Variants in CIMAP2 observed in about 807,000 individuals in gnomAD.
CIMAP2 encodes ciliary microtubule associated protein 2, also known as ciliary microtubule-associated protein 2.
the CIMAP2 span, among the ~76,000 whole-genome samples, chr1:54,826,664 C>T: frequency 6.6e-6 from 1 of 152,208 alleles, no homozygotes; most frequent in Non-Finnish European, 1.5e-5. Flanking sequence ...GAGGGCTCTC[C>T]TGTGGGTAGG....
chr1:54,833,543 T>G, the CIMAP2 span, among the ~76,000 whole-genome samples: 1 of 152,232 alleles, frequency 6.6e-6, no homozygotes, highest in South Asian at 2.1e-4. Context: ...TGTAGGGTTC[T>G]GGGCTTCCAG....
the CIMAP2 span, among the ~76,000 whole-genome samples, chr1:54,828,928 A>G: frequency 6.6e-6 from 1 of 152,226 alleles, no homozygotes. Context: ...GCAACTGGAT[A>G]AATTGATTAT....
chr1:54,831,920 C>T, the CIMAP2 span, among the ~76,000 whole-genome samples: 90 of 152,298 alleles, frequency 5.9e-4, 1 homozygote, highest in African/African-American at 2.1e-3. Flanking sequence ...AATCACAGCT[C>T]GCTGCAGCCT....
the CIMAP2 span, chr1:54,842,013 G>T: frequency 2.2e-5 from 19 of 850,760 alleles, no homozygotes; most frequent in East Asian, 5.1e-4. Context: ...AGATGTATGG[G>T]GATCACCTTT....
At chr1:54,840,594 C>G in the CIMAP2 span, among the ~76,000 whole-genome samples, 4 of 152,138 alleles carry the variant, frequency 2.6e-5, no homozygotes, top group Non-Finnish European at 5.9e-5. Context: ...TTTTGCACTC[C>G]CACCAGCAAC....
At chr1:54,811,825 A>C in the CIMAP2 span, 16 of 1,509,002 alleles carry the variant, frequency 1.1e-5, no homozygotes, top group African/African-American at 2.3e-4. Flanking sequence ...AATTATGGGG[A>C]GAAGGGTAAC....
At chr1:54,821,068 C>G in the CIMAP2 span, among the ~76,000 whole-genome samples, 1 of 152,174 alleles carries the variant, frequency 6.6e-6, no homozygotes, top group African/African-American at 2.4e-5. Context: ...AGCACCCAGC[C>G]TGCCCACTTT....
the CIMAP2 span, among the ~76,000 whole-genome samples, chr1:54,812,814 C>CTTCCCTCCATCTTGGCACTCT: frequency 6.6e-6 from 1 of 152,242 alleles, no homozygotes; most frequent in African/African-American, 2.4e-5. Flanking sequence ...CAGGGGAAAG[C>CTTCCCTCCATCTTGGCACTCT]AGCCCTTGCG....
chr1:54,807,589 AAGG>A, the CIMAP2 span: 1 of 1,606,960 alleles, frequency 6.2e-7, no homozygotes, highest in Admixed American at 1.7e-5. Flanking sequence ...GAAGCTGATG[AAGG>A]AGGTGGACAC....
At chr1:54,835,253 G>A in the CIMAP2 span, among the ~76,000 whole-genome samples, 2 of 152,148 alleles carry the variant, frequency 1.3e-5, no homozygotes, top group Non-Finnish European at 2.9e-5. Context: ...GTGCAGTGGT[G>A]CAATGTTGGC....
the CIMAP2 span, among the ~76,000 whole-genome samples, chr1:54,820,549 A>T: frequency 1.3e-5 from 2 of 152,156 alleles, no homozygotes; most frequent in East Asian, 3.9e-4. Flanking sequence ...TTCCCACCAA[A>T]AGCATGTAAG....
the CIMAP2 span, among the ~76,000 whole-genome samples, chr1:54,808,383 C>T: frequency 1.3e-5 from 2 of 152,046 alleles, no homozygotes; most frequent in East Asian, 1.9e-4. Context: ...TCGTGAGCAA[C>T]GGAGACTTGC....
chr1:54,819,814 TTCTTTCTTTC>T, the CIMAP2 span, among the ~76,000 whole-genome samples: 984 of 76,882 alleles, frequency 0.013, 8 homozygotes, highest in Admixed American at 0.028. Flanking sequence ...CTTTTTCTTT[TTCTTTCTTTC>T]TCTTTCTTTC....
the CIMAP2 span, among the ~76,000 whole-genome samples, chr1:54,825,778 G>A: frequency 4.0e-5 from 6 of 151,814 alleles, no homozygotes; most frequent in Non-Finnish European, 5.9e-5. Context: ...TGACAGTAGT[G>A]GCAATGGGCC....
the CIMAP2 span, among the ~76,000 whole-genome samples, chr1:54,821,930 G>A: frequency 2.9e-5 from 2 of 69,024 alleles, no homozygotes; most frequent in Admixed American, 2.5e-4. Flanking sequence ...ACGGAGTCTC[G>A]CTCTGTCGCC....
the CIMAP2 span, among the ~76,000 whole-genome samples, chr1:54,829,589 T>C: frequency 4.5e-4 from 69 of 152,366 alleles, 1 homozygote; most frequent in East Asian, 0.011. Context: ...TGCTTGGTTC[T>C]GTCCTGAGTG....
At chr1:54,822,409 T>C in the CIMAP2 span, among the ~76,000 whole-genome samples, 15 of 151,934 alleles carry the variant, frequency 9.9e-5, no homozygotes, top group Non-Finnish European at 1.6e-4. Context: ...CTCTATTTTG[T>C]TTAGTTCTGC....
the CIMAP2 span, among the ~76,000 whole-genome samples, chr1:54,836,553 T>G: frequency 6.6e-6 from 1 of 151,416 alleles, no homozygotes; most frequent in African/African-American, 2.4e-5. Context: ...AAAAAGTTGA[T>G]GATTTAATTG....
the CIMAP2 span, among the ~76,000 whole-genome samples, chr1:54,830,386 C>A: frequency 6.6e-6 from 1 of 152,100 alleles, no homozygotes; most frequent in African/African-American, 2.4e-5. This position sits in a 1 kb window ranked among gnomAD's most constrained non-coding sequence, Gnocchi z 4.1. Flanking sequence ...CCACACTCGG[C>A]TAATTTTGTA....
Sources: allele counts gnomAD v4.1 joint callset (sites outside exome capture counted in the v4.1 genomes callset), GRCh38; gene constraint gnomAD v4.1.1; non-coding constraint Gnocchi (gnomAD v3.1); transcripts MANE v1.5; gene names NCBI Gene and HGNC (gene_info 2026-07-23, HGNC 2026-07-21).